PCDHA12: variants seen among roughly 807,000 people sequenced by gnomAD.
The protein encoded by PCDHA12 is protocadherin alpha-12.
PCDHA12 carries 44 observed loss-of-function variants against 60.0 expected under a neutral mutation model. The ratio of observed to expected loss-of-function variants is 0.73; its 90% CI spans 0.58 to 0.94. The LOEUF is 0.94. Among genes scored for constraint, PCDHA12 ranks in the 40% least tolerant of loss-of-function variants. PCDHA12 has a pLI of 0.00. For synonymous variants in PCDHA12, 569 were observed against 553.0 expected, an observed-to-expected ratio of 1.03 and a Z score of -0.40; for missense variants, 1,276 against 1,239.7, an observed-to-expected ratio of 1.03 and a Z score of -0.44.
Position 140,876,478 on chromosome 5 carries a change from G to T in PCDHA12, c.1006G>T (p.Val336Phe). 6.2e-7 allele frequency: 1 copy of T among 1,614,032 alleles called. No homozygotes were observed. The highest frequency in any genetic ancestry group is 8.5e-7 in the Non-Finnish European group (1 of 1,179,900). Residue 336 changes from valine to phenylalanine, a missense_variant, in exon 1 of 4, where the codon GTC becomes TTC. Coordinates refer to ENST00000398631, the MANE Select transcript of PCDHA12 (RefSeq NM_018903.4). ...GIPSMAGHSMVLVEVLDVNDN... is the reference protein window; with the variant it reads ...GIPSMAGHSMFLVEVLDVNDN... ...TCCTTCCATGGCAGGTCACAGCATG[G>T]TCCTGGTGGAAGTTCTGGACGTGAA...
chr5:140,971,452 T>G (rs1554233345), intron 1 of PCDHA12, among the ~76,000 whole-genome samples: 1 of 152,088 alleles, frequency 6.6e-6, no homozygotes, highest in Admixed American at 6.5e-5. Context: ...CTCCAGAAAT[T>G]TTTGCAGTTA....
chr5:140,884,247 CG>C (rs1220799816), intron 1 of PCDHA12: 1 of 1,613,280 alleles, frequency 6.2e-7, no homozygotes, highest in Non-Finnish European at 8.5e-7. Flanking sequence ...CCCGCGCTGA[CG>C]GCCACGGCAA....
At chr5:140,949,290 G>C (rs552572317) in intron 1 of PCDHA12, among the ~76,000 whole-genome samples, 5 of 151,900 alleles carry the variant, frequency 3.3e-5, no homozygotes, top group South Asian at 2.1e-4. Flanking sequence ...TGTATATTCT[G>C]TAATTGTTGG....
intron 1 of PCDHA12, among the ~76,000 whole-genome samples, chr5:140,888,064 G>A (rs1353857736): frequency 6.6e-6 from 1 of 151,950 alleles, no homozygotes; most frequent in Non-Finnish European, 1.5e-5. Context: ...TAACTTTCTT[G>A]TCTGCTAATT....
intron 1 of PCDHA12, chr5:140,883,880 C>A: frequency 6.2e-7 from 1 of 1,613,304 alleles, no homozygotes. Context: ...GGTGAGCGCG[C>A]GCGACTCTGG....
At position 140,876,976 on chromosome 5, in the gene PCDHA12, C is replaced by A. The variant is rs782283591; in HGVS notation, c.1504C>A (p.His502Asn). ...GCTGGTGGAGCGGCGGGTGGGCGAG[C>A]ACGCACTGTCGAGCTACGTGTCGGT... Reference protein sequence around the residue: ...YSLVERRVGEHALSSYVSVHA... With the variant: ...YSLVERRVGENALSSYVSVHA... The change falls in exon 1 of 4, where the codon CAC becomes AAC. Residue 502 changes from histidine (H) to asparagine (N), a missense_variant. His to Asn is a moderately conservative substitution (Grantham distance 68, BLOSUM62 1). Coordinates refer to ENST00000398631, the MANE Select transcript of PCDHA12 (RefSeq NM_018903.4). The A allele has an allele frequency of 1.2e-6, 2 of 1,612,586 alleles. No individual in the cohort carries two copies. Among genetic ancestry groups the A allele is most frequent in the Admixed American group, 1.7e-5 (1 of 60,008 alleles).
chr5:140,899,541 T>C (rs1469690137), intron 1 of PCDHA12, among the ~76,000 whole-genome samples: 2 of 152,210 alleles, frequency 1.3e-5, no homozygotes, highest in South Asian at 2.1e-4. Context: ...CACTTGATCA[T>C]GGTGGATAAG....
At chr5:141,008,809 C>T (rs1397377778) in intron 3 of PCDHA12, among the ~76,000 whole-genome samples, 2 of 152,160 alleles carry the variant, frequency 1.3e-5, no homozygotes, top group African/African-American at 4.8e-5. Flanking sequence ...CAAATAGGCT[C>T]AATTTACAAC....
chr5:140,883,724 G>T (rs1174982763), intron 1 of PCDHA12: 2 of 1,613,492 alleles, frequency 1.2e-6, no homozygotes, highest in Non-Finnish European at 1.7e-6. Context: ...GGACGCACAG[G>T]AGAACGCGCT....
At chr5:140,908,455 AT>A (rs367827339) in intron 1 of PCDHA12, among the ~76,000 whole-genome samples, 51 of 152,296 alleles carry the variant, frequency 3.3e-4, no homozygotes, top group African/African-American at 9.9e-4. Flanking sequence ...GGCTAGATGG[AT>A]CAGAAAGCAC....
intron 1 of PCDHA12, among the ~76,000 whole-genome samples, chr5:140,945,495 C>A (rs1585197828): frequency 6.6e-6 from 1 of 152,022 alleles, no homozygotes; most frequent in East Asian, 1.9e-4. Context: ...ATACCCAAAG[C>A]AATATTGAGC....
chr5:140,952,873 A>G (rs1554220663), intron 1 of PCDHA12, among the ~76,000 whole-genome samples: 1 of 152,168 alleles, frequency 6.6e-6, no homozygotes, highest in South Asian at 2.1e-4. Context: ...GGAAACTTAC[A>G]ATCATGGTGG....
intron 3 of PCDHA12, among the ~76,000 whole-genome samples, chr5:141,008,665 T>A (rs2098385671): frequency 6.6e-6 from 1 of 152,210 alleles, no homozygotes; most frequent in Non-Finnish European, 1.5e-5. Context: ...CACAATACTT[T>A]ACATATACTT....
Position 140,875,787 on chromosome 5 carries a change from C to A in PCDHA12, c.315C>A (p.His105Gln), listed in dbSNP as rs2055811364. The A allele has an allele frequency of 6.2e-7, 1 of 1,614,082 alleles. No homozygotes were observed. Among genetic ancestry groups the A allele is most frequent in the Non-Finnish European group, 8.5e-7 (1 of 1,180,048 alleles). ...LCGRSAECSI[H>Q]LEVIVDRPLQ... ...GGCGGAGCGCGGAGTGCAGTATCCA[C>A]CTGGAGGTGATCGTGGACAGGCCGC... Residue 105 changes from histidine to glutamine, a missense_variant, in exon 1 of 4, where the codon CAC (histidine) becomes CAA (glutamine). Coordinates refer to ENST00000398631, the MANE Select transcript of PCDHA12 (RefSeq NM_018903.4).
intron 1 of PCDHA12, among the ~76,000 whole-genome samples, chr5:140,911,737 G>A (rs187858302): frequency 3.4e-4 from 51 of 152,238 alleles, no homozygotes; most frequent in African/African-American, 9.9e-4. Flanking sequence ...TTCGTGCCAA[G>A]GACTATCAGT....
Position 140,876,605 on chromosome 5 carries a change from A to G in PCDHA12, c.1133A>G (p.Asp378Gly). The G allele has an allele frequency of 1.2e-6, 2 of 1,614,060 alleles. No homozygotes were observed. The highest frequency in any genetic ancestry group is 1.1e-5 in the South Asian group (1 of 91,078). ...GCCCTGATTAGCGTGTCGGATCGTGACTCTGGAGCCAATGGACAGGTCATC... is the reference window on the plus strand; with the variant it reads ...GCCCTGATTAGCGTGTCGGATCGTGGCTCTGGAGCCAATGGACAGGTCATC... Reference protein sequence around the residue: ...VIALISVSDRDSGANGQVICS... With the variant: ...VIALISVSDRGSGANGQVICS... The change falls in exon 1 of 4, where the codon GAC becomes GGC. Residue 378 changes from aspartate (D) to glycine (G), a missense_variant. Transcript: ENST00000398631.
chr5:140,983,719 A>C (rs1417350764), intron 3 of PCDHA12, among the ~76,000 whole-genome samples: 1 of 152,256 alleles, frequency 6.6e-6, no homozygotes, highest in African/African-American at 2.4e-5. Context: ...TAGCACTTAT[A>C]TTCATAACAT....
rs782628581 is a variant in PCDHA12 at position 140,875,989 on chromosome 5, A to G, written c.517A>G (p.Ser173Gly). 6.2e-7 allele frequency: 1 copy of G among 1,613,992 alleles called. No individual in the cohort carries two copies. The highest frequency in any genetic ancestry group is 1.1e-5 in the South Asian group (1 of 91,074). ...GVNSLLTYAL[S>G]LNENFELKIK... is the part of the protein sequence containing the mutation. Reference sequence around the variant, plus strand: ...AAACTCTCTTTTGACCTATGCGTTAAGTCTAAATGAGAATTTTGAGCTTAA... The same window carrying G: ...AAACTCTCTTTTGACCTATGCGTTAGGTCTAAATGAGAATTTTGAGCTTAA... Residue 173 changes from serine (S) to glycine (G), a missense_variant, in exon 1 of 4, where the codon AGT becomes GGT. Transcript: ENST00000398631.
chr5:140,886,458 T>G (rs888629917), intron 1 of PCDHA12, among the ~76,000 whole-genome samples: 1 of 152,174 alleles, frequency 6.6e-6, no homozygotes, highest in Non-Finnish European at 1.5e-5. Flanking sequence ...TTGTCATATA[T>G]AAATGTTTTT....
Sources: gnomAD v4.1 joint callset for allele counts (sites outside exome capture counted in the v4.1 genomes callset) on GRCh38, gnomAD v4.1.1 for gene constraint, MANE v1.5 for transcripts, NCBI Gene and HGNC (gene_info 2026-07-23, HGNC 2026-07-21) for gene names.